Variants in P2RX5 observed in about 807,000 individuals in gnomAD.
The protein encoded by P2RX5 is purinergic receptor P2X 5.
Under a neutral mutation model 54.1 loss-of-function variants are expected in P2RX5, and 46 were observed. The observed-to-expected ratio is 0.85, with a 90% CI of 0.67 to 1.09. The LOEUF (loss-of-function observed/expected upper bound fraction) is 1.09. P2RX5 is among the 50% of genes least tolerant of loss of function. P2RX5 has a pLI of 0.00. For synonymous variants in P2RX5, 226 were observed against 226.4 expected, an observed-to-expected ratio of 1.00 and a Z score of 0.02; for missense variants, 566 against 549.8, an observed-to-expected ratio of 1.03 and a Z score of -0.29.
At chr17:3,721,982 C>A in the P2RX5 span, among the ~76,000 whole-genome samples, 1 of 151,754 alleles carries the variant, frequency 6.6e-6, no homozygotes, top group Non-Finnish European at 1.5e-5. Context: ...GAGTTCAAGA[C>A]CAGCCTCACC....
chr17:3,705,000 C>G, the P2RX5 span, among the ~76,000 whole-genome samples: 1 of 152,080 alleles, frequency 6.6e-6, no homozygotes, highest in Non-Finnish European at 1.5e-5. Flanking sequence ...GAGCAAAACT[C>G]TCGTCTCAAA....
At chr17:3,714,834 T>A in the P2RX5 span, 1 of 1,530,536 alleles carries the variant, frequency 6.5e-7, no homozygotes, top group Non-Finnish European at 9.0e-7. Flanking sequence ...CCTCTCCCAG[T>A]GGATAGCAGG....
chr17:3,704,899 G>A, the P2RX5 span, among the ~76,000 whole-genome samples: 1 of 152,150 alleles, frequency 6.6e-6, no homozygotes, highest in Admixed American at 6.6e-5. Flanking sequence ...CCAGCTACTC[G>A]GGAGGCTGAG....
chr17:3,679,554 C>A, intron 11 of P2RX5, 36 bp downstream of exon 11: 1 of 1,594,290 alleles, frequency 6.3e-7, no homozygotes, highest in Non-Finnish European at 8.5e-7. Flanking sequence ...TCTGCAGGAC[C>A]CAGCTGTCGG....
In P2RX5 at chr17:3,675,625, C is replaced by A. The variant is rs369816575; in HGVS notation, c.1260-1748G>T. On this transcript the variant is annotated intron_variant, in intron 11 of 11. Coordinates refer to ENST00000225328, the MANE Select transcript of P2RX5 (RefSeq NM_002561.4). ...AGAGTGCAGTGGTATGATCTCAGCT[C>A]ACTGCAACCTCTGCCTCCCAGGTTC... 8 of 908,238 alleles carry A rather than the reference C, an allele frequency of 8.8e-6. No individual in the cohort carries two copies. The South Asian group carries it at 3.5e-4, about 40-fold the overall frequency. The allele number at this position is 908,238 out of a possible 1,614,324, so 56.3% of individuals were successfully genotyped here. A position where few individuals can be genotyped will look rare whatever the true frequency, so the allele number is the denominator to read the frequency against.
the P2RX5 span, among the ~76,000 whole-genome samples, chr17:3,711,092 G>C: frequency 8.5e-5 from 13 of 152,308 alleles, no homozygotes; most frequent in African/African-American, 3.1e-4. Context: ...CAGGCAGAGG[G>C]TGAAAAGGAA....
chr17:3,680,231 G>A (rs187323), intron 10 of P2RX5, among the ~76,000 whole-genome samples: 34 of 88,722 alleles, frequency 3.8e-4, no homozygotes, highest in East Asian at 8.0e-4. Context: ...TCCACCCTGC[G>A]TCCTCCACCC....
At chr17:3,685,294 G>A (rs1009007478) in intron 9 of P2RX5, among the ~76,000 whole-genome samples, 1 of 152,190 alleles carries the variant, frequency 6.6e-6, no homozygotes, top group African/African-American at 2.4e-5. Context: ...ATGCCTCCCT[G>A]GCTCTGGAAA....
At chr17:3,676,483 C>G in intron 11 of P2RX5, 2 of 983,992 alleles carry the variant, frequency 2.0e-6, no homozygotes, top group Non-Finnish European at 2.4e-6. Context: ...GTAAGTATTA[C>G]CCAGTCAAAA....
intron 10 of P2RX5, among the ~76,000 whole-genome samples, chr17:3,680,815 C>A (rs1390109825): frequency 3.1e-5 from 4 of 130,406 alleles, no homozygotes; most frequent in African/African-American, 1.2e-4. Flanking sequence ...GCATCCTCCA[C>A]CCTGCATCCT....
chr17:3,679,126 C>T (rs1222580800), intron 11 of P2RX5, among the ~76,000 whole-genome samples: 1 of 152,222 alleles, frequency 6.6e-6, no homozygotes, highest in Admixed American at 6.5e-5. Flanking sequence ...CCTCATCCTA[C>T]AGACACTGCC....
chr17:3,707,147 T>C, the P2RX5 span, among the ~76,000 whole-genome samples: 41 of 152,310 alleles, frequency 2.7e-4, no homozygotes, highest in Non-Finnish European at 5.0e-4. Flanking sequence ...AATAAGCTGA[T>C]AGACGGTTGG....
At chr17:3,716,752 A>G in the P2RX5 span, 1 of 1,611,276 alleles carries the variant, frequency 6.2e-7, no homozygotes, top group South Asian at 1.1e-5. Flanking sequence ...TTTAATGATG[A>G]TAGGCAAAGA....
At chr17:3,690,718 C>G in intron 3 of P2RX5, 38 bp from the exon 4 acceptor site, 3 of 1,603,206 alleles carry the variant, frequency 1.9e-6, no homozygotes, top group Non-Finnish European at 2.6e-6. Context: ...GGGGGGGTTC[C>G]CCCAGCTCAG....
At chr17:3,700,694 T>C (rs918383956), upstream of P2RX5, among the ~76,000 whole-genome samples, 4 of 152,192 alleles carry the variant, frequency 2.6e-5, no homozygotes, top group Non-Finnish European at 4.4e-5. Flanking sequence ...GGGGGCCTAG[T>C]GGGCGGTGTA....
the P2RX5 span, among the ~76,000 whole-genome samples, chr17:3,712,745 G>A: frequency 2.6e-5 from 4 of 152,064 alleles, no homozygotes; most frequent in African/African-American, 9.7e-5. Context: ...TCAGGAGTTC[G>A]AGACCAGCCT....
chr17:3,723,766 C>A, the P2RX5 span: 1 of 1,604,884 alleles, frequency 6.2e-7, no homozygotes, highest in Non-Finnish European at 8.5e-7. Context: ...GCCATGACCG[C>A]GACGCGCTGA....
At chr17:3,707,918 C>T in the P2RX5 span, among the ~76,000 whole-genome samples, 8 of 151,990 alleles carry the variant, frequency 5.3e-5, no homozygotes, top group East Asian at 1.9e-4. Flanking sequence ...ATTAGTCAGG[C>T]TTGGTGGCGG....
the P2RX5 span, among the ~76,000 whole-genome samples, chr17:3,715,426 G>A: frequency 6.6e-6 from 1 of 152,162 alleles, no homozygotes; most frequent in Non-Finnish European, 1.5e-5. Flanking sequence ...CCAGCACAGA[G>A]GACTCAGGAG....
Sources: allele counts gnomAD v4.1 joint callset (sites outside exome capture counted in the v4.1 genomes callset), GRCh38; gene constraint gnomAD v4.1.1; transcripts MANE v1.5; gene names NCBI Gene and HGNC (gene_info 2026-07-23, HGNC 2026-07-21).